DGLUCY: variants seen among roughly 807,000 people sequenced by gnomAD.
The protein encoded by DGLUCY is D-glutamate cyclase, mitochondrial.
Under a neutral mutation model 58.5 loss-of-function variants are expected in DGLUCY, and 58 were observed. The observed-to-expected ratio is 0.99, with a 90% CI of 0.80 to 1.23. The LOEUF is 1.23. Among genes scored for constraint, DGLUCY ranks in the 50% most tolerant of loss-of-function variants. The pLI, the probability that DGLUCY is intolerant of heterozygous loss-of-function variation, is 0.00. For synonymous variants in DGLUCY, 325 were observed against 314.1 expected (o/e 1.03, Z -0.37); for missense variants, 779 against 784.7 (o/e 0.99, Z 0.09).
At chr14:91,188,832 T>C in intron 8 of DGLUCY, 78 bp from the exon 9 acceptor site, 1 of 1,443,656 alleles carries the variant, frequency 6.9e-7, no homozygotes, top group Middle Eastern at 2.5e-4. Flanking sequence ...CTATCATAAG[T>C]AAATAAATAC....
intron 1 of DGLUCY, among the ~76,000 whole-genome samples, chr14:91,092,822 A>T (rs2140068660): frequency 6.6e-6 from 1 of 152,292 alleles, no homozygotes; most frequent in South Asian, 2.1e-4. Flanking sequence ...AGTGCCTCAC[A>T]CCTGTAATCT....
chr14:91,174,790 G>C (rs1036791040), intron 6 of DGLUCY, among the ~76,000 whole-genome samples: 4 of 152,178 alleles, frequency 2.6e-5, no homozygotes, highest in Non-Finnish European at 4.4e-5. Flanking sequence ...GTGTCTGTAG[G>C]GGGGTGGCCT....
intron 1 of DGLUCY, among the ~76,000 whole-genome samples, chr14:91,094,785 TGCACCCTA>T (rs2044367947): frequency 6.6e-6 from 1 of 151,026 alleles, no homozygotes; most frequent in Non-Finnish European, 1.5e-5. Context: ...ATCTCGCCAT[TGCACCCTA>T]GCCTGGGTGA....
At chr14:91,223,683 G>T (rs1887829078) in intron 13 of DGLUCY, 1 of 1,287,784 alleles carries the variant, frequency 7.8e-7, no homozygotes, top group Admixed American at 2.3e-5. Context: ...CAGCAGGAGA[G>T]CAAAGGGAGA....
chr14:91,185,063 GT>G (rs1380056363), intron 8 of DGLUCY, among the ~76,000 whole-genome samples: 2 of 151,888 alleles, frequency 1.3e-5, no homozygotes, highest in Admixed American at 1.3e-4. Flanking sequence ...CACCTCCTGG[GT>G]TCAAGCAGTT....
At chr14:91,134,129 G>A (rs1422168359) in intron 1 of DGLUCY, among the ~76,000 whole-genome samples, 1 of 152,106 alleles carries the variant, frequency 6.6e-6, no homozygotes, top group Non-Finnish European at 1.5e-5. Flanking sequence ...AAAGCGATTT[G>A]TTATTTTTTG....
Position 91,173,318 on chromosome 14 carries a change from C to T in DGLUCY, c.486C>T (p.Gly162=). ...CAGTGCCTTGTGTTACCCATGCTGG[C>T]TTCTGCTGCCCTCTGGTGGTCACGA... ...KTTVPCVTHA[G]FCCPLVVTMR... Residue 162 remains glycine, a synonymous_variant, in exon 6 of 14, where the codon GGC becomes GGT. Coordinates refer to ENST00000256324, the MANE Select transcript of DGLUCY (RefSeq NM_001102368.3). The T allele has an allele frequency of 6.2e-7, 1 of 1,612,162 alleles. No homozygotes were observed. The highest frequency in any genetic ancestry group is 1.3e-5 in the African/African-American group (1 of 74,220).
chr14:91,067,530 C>T (rs957444395), intron 1 of DGLUCY, among the ~76,000 whole-genome samples: 5 of 152,028 alleles, frequency 3.3e-5, no homozygotes, highest in African/African-American at 1.2e-4. Context: ...AAGTCAAAAA[C>T]TACATTACCA....
At chr14:91,068,057 G>A (rs1217707668) in intron 1 of DGLUCY, among the ~76,000 whole-genome samples, 5 of 142,002 alleles carry the variant, frequency 3.5e-5, no homozygotes, top group Non-Finnish European at 6.1e-5. Flanking sequence ...GTACTGGCGC[G>A]TGCACACACA....
chr14:91,164,997 C>T (rs898024448), intron 3 of DGLUCY, among the ~76,000 whole-genome samples: 1 of 152,218 alleles, frequency 6.6e-6, no homozygotes, highest in Non-Finnish European at 1.5e-5. Flanking sequence ...CAGCCAAAAA[C>T]CTTAGATGCC....
chr14:91,082,072 G>C (rs1441534818), intron 1 of DGLUCY, among the ~76,000 whole-genome samples: 2 of 152,106 alleles, frequency 1.3e-5, no homozygotes, highest in Admixed American at 1.3e-4. Context: ...ATATTCACAG[G>C]CTCTGGGGAT....
chr14:91,142,683 C>G (rs8008893), intron 1 of DGLUCY, among the ~76,000 whole-genome samples: 151,187 of 152,060 alleles, frequency 0.99, 75,168 homozygotes, highest in Middle Eastern at 1. Context: ...TCGTAGCTGG[C>G]CACGGTGGCT....
At chr14:91,138,608 A>G (rs768976005) in intron 1 of DGLUCY, among the ~76,000 whole-genome samples, 3 of 152,222 alleles carry the variant, frequency 2.0e-5, no homozygotes, top group Non-Finnish European at 4.4e-5. Flanking sequence ...TTCATTGCAG[A>G]AGGCAAAGGA....
Position 91,160,374 on chromosome 14 carries a change from G to C in DGLUCY, c.80G>C (p.Arg27Thr), listed in dbSNP as rs200397505. Residue 27 changes from arginine to threonine, a missense_variant, in exon 3 of 14, where the codon AGA (arginine) becomes ACA (threonine). Transcript: ENST00000256324. ...ATTCTACAAAAGAAACCAAACATCA[G>C]AAATACATCCAGCATGGCTGGAGGT... ...SLILQKKPNI[R>T]NTSSMAGELR... 69 of 1,370,616 alleles carry C rather than the reference G, an allele frequency of 5.0e-5. No homozygotes were observed. In the East Asian group the frequency reaches 2.0e-3, roughly 41 times the overall value. 84.9% of individuals were successfully genotyped at this position (1,370,616 alleles called of 1,614,324 possible). A position where few individuals can be genotyped will look rare whatever the true frequency, so the allele number is the denominator to read the frequency against.
rs141693498 is a variant in DGLUCY, at chr14:91,164,852, A to G, written c.104-2373A>G. 2.8e-4 allele frequency among the ~76,000 whole-genome samples: 42 copies of G among 152,328 alleles called. No homozygotes were observed. The South Asian group carries it at 6.0e-3, about 22-fold the overall frequency. ...TGTAACCACTCCCTGGCAACTGCCT[A>G]TGTTTGCTCAAGGCCATGGGGCTCT... On this transcript the variant is annotated intron_variant, in intron 3 of 13. Coordinates refer to ENST00000256324, the MANE Select transcript of DGLUCY (RefSeq NM_001102368.3).
At chr14:91,167,572 C>G in intron 4 of DGLUCY, 194 bp downstream of exon 4, 1 of 766,680 alleles carries the variant, frequency 1.3e-6, no homozygotes, top group Non-Finnish European at 2.3e-6. Context: ...TATCACCTGG[C>G]GCCTGTCCTG....
At chr14:91,098,775 A>G (rs1566939547) in intron 1 of DGLUCY, among the ~76,000 whole-genome samples, 1 of 152,194 alleles carries the variant, frequency 6.6e-6, no homozygotes, top group Non-Finnish European at 1.5e-5. Flanking sequence ...TGATCATTGA[A>G]TAACCCATGT....
chr14:91,086,402 C>T (rs1211436603), intron 1 of DGLUCY, among the ~76,000 whole-genome samples: 1 of 152,174 alleles, frequency 6.6e-6, no homozygotes, highest in Non-Finnish European at 1.5e-5. Flanking sequence ...TGCTGCCTTA[C>T]AAGATATGGT....
At chr14:91,159,275 C>T (rs945379376) in intron 2 of DGLUCY, among the ~76,000 whole-genome samples, 14 of 151,984 alleles carry the variant, frequency 9.2e-5, no homozygotes, top group African/African-American at 2.9e-4. Context: ...GGTGAAACCT[C>T]GCCTCTACTA....
Sources: gnomAD v4.1 joint callset for allele counts (sites outside exome capture counted in the v4.1 genomes callset) on GRCh38, gnomAD v4.1.1 for gene constraint, MANE v1.5 for transcripts, NCBI Gene and HGNC (gene_info 2026-07-23, HGNC 2026-07-21) for gene names.